The following TASP1 variants were observed in gnomAD, a reference collection of about 807,000 sequenced individuals.
TASP1 encodes the protein threonine aspartase 1.
In TASP1, 16 loss-of-function variants were observed where a neutral mutation model predicts 56.6. The ratio of observed to expected loss-of-function variants is 0.28; its 90% CI spans 0.19 to 0.43. The LOEUF is 0.43. Among genes scored for constraint, TASP1 ranks in the 20% least tolerant of loss-of-function variants. The probability of loss-of-function intolerance (pLI) is 1.00; values close to 1 mark genes in which losing one functional copy is unlikely to be tolerated. For missense variants in TASP1, 393 were observed against 511.6 expected (o/e 0.77, Z 2.24); for synonymous variants, 179 against 184.2 (o/e 0.97, Z 0.23).
chr20:13,207,258 G>A, the TASP1 span, among the ~76,000 whole-genome samples: 1 of 152,228 alleles, frequency 6.6e-6, no homozygotes, highest in Admixed American at 6.5e-5. Flanking sequence ...AACAGTGGCT[G>A]CCCCAGGGCA....
chr20:13,409,734 T>C (rs931050503), intron 13 of TASP1, among the ~76,000 whole-genome samples: 1 of 152,158 alleles, frequency 6.6e-6, no homozygotes, highest in Non-Finnish European at 1.5e-5. Flanking sequence ...ATGGGATACA[T>C]GTGATACTTT....
intron 4 of TASP1, among the ~76,000 whole-genome samples, chr20:13,597,030 G>T (rs1047066313): frequency 6.6e-6 from 1 of 152,162 alleles, no homozygotes; most frequent in African/African-American, 2.4e-5. Context: ...CTGAAATTGA[G>T]GCAATAATTA....
chr20:13,305,066 A>T, the TASP1 span, among the ~76,000 whole-genome samples: 27 of 152,146 alleles, frequency 1.8e-4, no homozygotes, highest in Non-Finnish European at 1.5e-5. Flanking sequence ...ACATAGTATT[A>T]TTTGAATAGC....
chr20:13,379,627 G>T, the TASP1 span, among the ~76,000 whole-genome samples: 1 of 151,968 alleles, frequency 6.6e-6, no homozygotes, highest in African/African-American at 2.4e-5. Flanking sequence ...GGCCTGTCTT[G>T]GTGGGTTGGG....
At chr20:13,631,057 A>G (rs947722722) in intron 1 of TASP1, among the ~76,000 whole-genome samples, 12 of 152,138 alleles carry the variant, frequency 7.9e-5, no homozygotes, top group Non-Finnish European at 1.6e-4. Flanking sequence ...TGTATTTTAC[A>G]TAAGTATTGA....
At chr20:13,472,953 A>G (rs894796063) in intron 11 of TASP1, among the ~76,000 whole-genome samples, 1 of 152,138 alleles carries the variant, frequency 6.6e-6, no homozygotes, top group Non-Finnish European at 1.5e-5. Context: ...TAGAACTAGA[A>G]AGACCATTTG....
chr20:13,327,774 C>T, the TASP1 span, among the ~76,000 whole-genome samples: 1 of 152,106 alleles, frequency 6.6e-6, no homozygotes, highest in East Asian at 1.9e-4. Flanking sequence ...CGAAACTGGA[C>T]CCCTTCACTA....
At chr20:13,398,558 T>C (rs2041628010) in intron 13 of TASP1, among the ~76,000 whole-genome samples, 3 of 152,210 alleles carry the variant, frequency 2.0e-5, no homozygotes, top group African/African-American at 7.2e-5. Flanking sequence ...AAGGAATGCC[T>C]TCCTTTAATA....
intron 13 of TASP1, among the ~76,000 whole-genome samples, chr20:13,406,981 T>C (rs1474181364): frequency 6.6e-6 from 1 of 152,166 alleles, no homozygotes; most frequent in African/African-American, 2.4e-5. Context: ...GAGGTTTTTA[T>C]CATTCATGCA....
chr20:13,241,869 C>G, the TASP1 span, among the ~76,000 whole-genome samples: 1 of 152,052 alleles, frequency 6.6e-6, no homozygotes, highest in Non-Finnish European at 1.5e-5. Context: ...GAAGTTGGAT[C>G]ACTGAGTTCA....
In TASP1 at chr20:13,591,938, A is replaced by G. The variant is rs982388753; in HGVS notation, c.283-4568T>C. Among the ~76,000 whole-genome samples the G allele has an allele frequency of 3.9e-5, 6 of 152,172 alleles. No individual in the cohort carries two copies. The East Asian group carries it at 1.2e-3, about 29-fold the overall frequency. ...TTTTGCAAATGGTAGGGCAACTACT[A>G]AAAAAATAAAAGAAGTATAGCTAAT... On this transcript the variant is annotated intron_variant, in intron 4 of 13. Coordinates refer to ENST00000337743, the MANE Select transcript of TASP1 (RefSeq NM_017714.3).
At chr20:13,213,617 A>T in the TASP1 span, among the ~76,000 whole-genome samples, 2 of 152,154 alleles carry the variant, frequency 1.3e-5, no homozygotes, top group Non-Finnish European at 2.9e-5. Context: ...AATTAGATGA[A>T]CTCATGTTTC....
intron 10 of TASP1, among the ~76,000 whole-genome samples, chr20:13,494,622 A>G (rs6033733): frequency 0.22 from 33,809 of 152,024 alleles, 3,886 homozygotes; most frequent in Middle Eastern, 0.29. Flanking sequence ...AAGAACTAAG[A>G]TTCTAAGATC....
intron 3 of TASP1, among the ~76,000 whole-genome samples, chr20:13,624,342 A>G (rs1211577479): frequency 6.6e-6 from 1 of 152,114 alleles, no homozygotes; most frequent in East Asian, 1.9e-4. Context: ...TTTGAAAAAT[A>G]AGAAAAAATA....
At chr20:13,261,042 GC>G in the TASP1 span, among the ~76,000 whole-genome samples, 8 of 151,576 alleles carry the variant, frequency 5.3e-5, no homozygotes, top group Admixed American at 1.3e-4. Context: ...ATTCCAAAGA[GC>G]AAAAAAAAAT....
chr20:13,392,764 C>G (rs1313066595), intron 13 of TASP1: 4 of 596,228 alleles, frequency 6.7e-6, no homozygotes, highest in Non-Finnish European at 1.3e-5. Context: ...AGCAGATGTT[C>G]TCACCATCAG....
At position 13,404,151 on chromosome 20, in the gene TASP1, G is replaced by T. The variant is rs1396602664; in HGVS notation, c.1170+13297C>A. ...CTATCACCATAGCTTAGTTGGGCCA[G>T]TTATTAAACTTCATATAAATAGAAT... is the stretch of plus-strand genomic sequence containing the variant. On this transcript the variant is annotated intron_variant, in intron 13 of 13. Transcript: ENST00000337743. Among the ~76,000 whole-genome samples the T allele has an allele frequency of 2.0e-5, 3 of 152,178 alleles. No homozygotes were observed. The East Asian group carries it at 5.8e-4, about 29-fold the overall frequency.
chr20:13,289,167 G>T, the TASP1 span, among the ~76,000 whole-genome samples: 836 of 152,328 alleles, frequency 5.5e-3, 6 homozygotes, highest in African/African-American at 0.019. Flanking sequence ...ATGCACAATT[G>T]CAGTGGCCGT....
At position 13,463,257 on chromosome 20, in the gene TASP1, C is replaced by T. The variant is rs942417087; in HGVS notation, c.985+19970G>A. On this transcript the variant is annotated intron_variant, in intron 11 of 13. Coordinates refer to ENST00000337743, the MANE Select transcript of TASP1 (RefSeq NM_017714.3). ...TTTCAAGACGGGTGTCAAGACCATT[C>T]GATGGGGAAAGGATAGTCTTTTTCG... Among the ~76,000 whole-genome samples, 5 of 152,006 alleles carry T rather than the reference C, an allele frequency of 3.3e-5. No individual in the cohort carries two copies. The East Asian group carries it at 5.8e-4, about 18-fold the overall frequency.
Sources: allele counts gnomAD v4.1 joint callset (sites outside exome capture counted in the v4.1 genomes callset), GRCh38; gene constraint gnomAD v4.1.1; transcripts MANE v1.5; gene names NCBI Gene and HGNC (gene_info 2026-07-23, HGNC 2026-07-21).